The following ATP6V0D1 variants were observed in gnomAD, a reference collection of about 807,000 sequenced individuals.
ATP6V0D1 encodes the protein V-type proton ATPase subunit d 1.
Under a neutral mutation model 39.0 loss-of-function variants are expected in ATP6V0D1, and 13 were observed. That is an observed-to-expected ratio of 0.33 (90% CI 0.22 to 0.53). ATP6V0D1 has a LOEUF of 0.53. Ranked by LOEUF, ATP6V0D1 falls within the 20% of genes least tolerant of loss-of-function variation. ATP6V0D1 has a pLI of 0.94. For missense variants in ATP6V0D1, 272 were observed against 470.9 expected, an observed-to-expected ratio of 0.58 and a Z score of 3.91; for synonymous variants, 191 against 191.2, an observed-to-expected ratio of 1.00 and a Z score of 0.01.
chr16:67,439,517 A>G (rs972445609), intron 4 of ATP6V0D1, 166 bp from the exon 5 acceptor site: 1 of 646,006 alleles, frequency 1.5e-6, no homozygotes. Flanking sequence ...CCAATGAAAC[A>G]CTTCTGTGAA....
In ATP6V0D1 at chr16:67,453,512, T is replaced by C. The variant is rs765265586; in HGVS notation, c.302+32A>G. On this transcript the variant is annotated intron_variant, in intron 2 of 7. Coordinates refer to ENST00000290949, the MANE Select transcript of ATP6V0D1 (RefSeq NM_004691.5). The surrounding 1 kb of genome is among the most constrained non-coding windows in gnomAD (Gnocchi z 4.1). The stretch of plus-strand genomic sequence containing the variant: ...TGCAGGTGTAGCTATCCTGCCCAGG[T>C]AAGAGAAGAAGGCGCTACAAAGCAC... The C allele has an allele frequency of 1.9e-6, 3 of 1,610,802 alleles. No homozygotes were observed. The highest frequency in any genetic ancestry group is 2.5e-6 in the Non-Finnish European group (3 of 1,177,720).
intron 2 of ATP6V0D1, chr16:67,445,719 G>A: frequency 2.9e-6 from 1 of 345,242 alleles, no homozygotes; most frequent in Non-Finnish European, 5.8e-6. Flanking sequence ...AGCTGGGGAG[G>A]GGTGAGACTG....
rs78592885 is a variant in ATP6V0D1, at chr16:67,469,632, A to C, written c.130+11325T>G. ...CAGACCAGCCCTACAATGCCCCACAATGCGAAACAAAACCTGGACCACAAA... is the reference window on the plus strand; with the variant it reads ...CAGACCAGCCCTACAATGCCCCACACTGCGAAACAAAACCTGGACCACAAA... On this transcript the variant is annotated intron_variant, in intron 1 of 7. Transcript: ENST00000290949. Among the ~76,000 whole-genome samples the C allele has an allele frequency of 1.6e-4, 24 of 152,290 alleles. No homozygotes were observed. In the East Asian group the frequency reaches 4.4e-3, roughly 28 times the overall value.
intron 1 of ATP6V0D1, among the ~76,000 whole-genome samples, chr16:67,464,052 TG>T (rs1423399136): frequency 2.0e-5 from 3 of 152,024 alleles, no homozygotes; most frequent in African/African-American, 7.2e-5. Flanking sequence ...GTTAAAGGGT[TG>T]GGGGCATGGG....
chr16:67,445,257 G>A (rs1435600212), intron 2 of ATP6V0D1, among the ~76,000 whole-genome samples: 1 of 152,228 alleles, frequency 6.6e-6, no homozygotes, highest in Admixed American at 6.5e-5. Flanking sequence ...AGCAGGCGGG[G>A]GGCAGAGGCT....
intron 1 of ATP6V0D1, among the ~76,000 whole-genome samples, chr16:67,475,692 G>A (rs901363532): frequency 5.3e-5 from 8 of 152,218 alleles, no homozygotes; most frequent in Non-Finnish European, 1.5e-5. Context: ...ATCAGCTGAA[G>A]TGGTGCTACA....
intron 1 of ATP6V0D1, among the ~76,000 whole-genome samples, chr16:67,471,071 T>C (rs1453593778): frequency 1.3e-5 from 2 of 152,244 alleles, no homozygotes; most frequent in Non-Finnish European, 2.9e-5. Context: ...TTGTTTATAA[T>C]TGACGTGTAA....
chr16:67,450,006 T>G (rs900807215), intron 2 of ATP6V0D1, among the ~76,000 whole-genome samples: 1 of 152,242 alleles, frequency 6.6e-6, no homozygotes, highest in Non-Finnish European at 1.5e-5. Flanking sequence ...GGGATGGAGC[T>G]AAGGTGACCT....
Position 67,461,131 on chromosome 16 carries a change from T to TC in ATP6V0D1, c.131-7417dup, listed in dbSNP as rs1320890405. 3.9e-5 allele frequency among the ~76,000 whole-genome samples: 6 copies of TC among 152,308 alleles called. No homozygotes were observed. The East Asian group carries it at 9.6e-4, about 24-fold the overall frequency. On this transcript the variant is annotated intron_variant, in intron 1 of 7. Coordinates refer to ENST00000290949, the MANE Select transcript of ATP6V0D1 (RefSeq NM_004691.5). Reference sequence around the variant, plus strand: ...GAGCCCAGCAGTGTGTAGCCTTGACTCCAGGCTGTTGCTTAGGCTGTCCTA... The same window carrying TC: ...GAGCCCAGCAGTGTGTAGCCTTGACTCCCAGGCTGTTGCTTAGGCTGTCCTA...
chr16:67,476,776 C>T (rs908694455), intron 1 of ATP6V0D1, among the ~76,000 whole-genome samples: 1 of 152,130 alleles, frequency 6.6e-6, no homozygotes, highest in African/African-American at 2.4e-5. Context: ...TGGCTCACAC[C>T]TGTAATCCTG....
At chr16:67,480,266 A>C (rs1019815821) in intron 1 of ATP6V0D1, among the ~76,000 whole-genome samples, 19 of 151,802 alleles carry the variant, frequency 1.3e-4, no homozygotes, top group African/African-American at 4.6e-4. Flanking sequence ...AGAAAGGGGA[A>C]CTCGGTTTCT....
chr16:67,464,918 C>G (rs550954934), intron 1 of ATP6V0D1, among the ~76,000 whole-genome samples: 17 of 152,364 alleles, frequency 1.1e-4, no homozygotes, highest in Admixed American at 3.9e-4. Flanking sequence ...GTCCTCAGGA[C>G]CACACACATT....
Position 67,444,331 on chromosome 16 carries a change from G to C in ATP6V0D1, c.481+197C>G, listed in dbSNP as rs936389190. ...GGGTAGCCTGCCTGGCCCAGCAAAA[G>C]CAACAGGACAGGAGCAGAAGAGGGG... On this transcript the variant is annotated intron_variant, in intron 3 of 7. Transcript: ENST00000290949. The surrounding 1 kb of genome is among the most constrained non-coding windows in gnomAD (Gnocchi z 4.8). 1.3e-4 allele frequency among the ~76,000 whole-genome samples: 20 copies of C among 152,218 alleles called. No individual in the cohort carries two copies. Among genetic ancestry groups the C allele is most frequent in the African/African-American group, 4.8e-4 (20 of 41,458 alleles).
chr16:67,455,753 C>T (rs1490455020), intron 1 of ATP6V0D1: 2 of 152,238 alleles, frequency 1.3e-5, no homozygotes, highest in African/African-American at 4.8e-5. Flanking sequence ...GATCTCTTCT[C>T]CCACATCCTC....
chr16:67,467,920 G>A (rs1365892473), intron 1 of ATP6V0D1, among the ~76,000 whole-genome samples: 2 of 152,180 alleles, frequency 1.3e-5, no homozygotes, highest in South Asian at 2.1e-4. Flanking sequence ...CAGGCATCCT[G>A]ACCACAGCAG....
intron 1 of ATP6V0D1, among the ~76,000 whole-genome samples, chr16:67,465,072 T>C (rs2041318476): frequency 6.6e-6 from 1 of 152,348 alleles, no homozygotes; most frequent in South Asian, 2.1e-4. Context: ...GCCTTGACTT[T>C]CCTGCCTCTG....
intron 2 of ATP6V0D1, among the ~76,000 whole-genome samples, chr16:67,451,553 T>C (rs1022653869): frequency 6.6e-6 from 1 of 152,094 alleles, no homozygotes; most frequent in Non-Finnish European, 1.5e-5. Context: ...TCAGTGGGGA[T>C]GGCTGAAGTG....
rs1221682861 is a variant in ATP6V0D1 at position 67,444,924 on chromosome 16, G to GCCCCCCA, written c.303-225_303-219dup. On this transcript the variant is annotated intron_variant, in intron 2 of 7. Transcript: ENST00000290949. The surrounding 1 kb of genome is among the most constrained non-coding windows in gnomAD (Gnocchi z 4.8). Reference sequence around the variant, plus strand: ...TGCCAGAGGCCTAGGACAGACACAGGCCCCCCAAACGGGCGGGGGCAGGGG... The same window carrying GCCCCCCA: ...TGCCAGAGGCCTAGGACAGACACAGGCCCCCCACCCCCCAAACGGGCGGGGGCAGGGG... Among the ~76,000 whole-genome samples, 1 of 152,160 alleles carries GCCCCCCA rather than the reference G, an allele frequency of 6.6e-6. No homozygotes were observed. The highest frequency in any genetic ancestry group is 6.6e-5 in the Admixed American group (1 of 15,266).
At chr16:67,476,208 C>T (rs1199168357) in intron 1 of ATP6V0D1, among the ~76,000 whole-genome samples, 2 of 140,392 alleles carry the variant, frequency 1.4e-5, no homozygotes, top group Non-Finnish European at 3.0e-5. Context: ...GGCAAGAAAA[C>T]AAGATTCCAT....
Sources: allele counts gnomAD v4.1 joint callset (sites outside exome capture counted in the v4.1 genomes callset), GRCh38; gene constraint gnomAD v4.1.1; non-coding constraint Gnocchi (gnomAD v3.1); transcripts MANE v1.5; gene names NCBI Gene and HGNC (gene_info 2026-07-23, HGNC 2026-07-21).